Variants in HOMER1 observed in about 807,000 individuals in gnomAD.
The protein encoded by HOMER1 is homer protein homolog 1.
A neutral mutation model predicts 48.9 loss-of-function variants in HOMER1; 3 were observed. The ratio of observed to expected loss-of-function variants is 0.06; its 90% CI spans 0.03 to 0.16. The LOEUF (loss-of-function observed/expected upper bound fraction) is 0.16, where lower values mean the gene tolerates loss of function less well. Among genes scored for constraint, HOMER1 ranks in the 10% least tolerant of loss-of-function variants. The pLI is 1.00. For synonymous variants in HOMER1, 134 were observed against 146.4 expected (o/e 0.92, Z 0.61); for missense variants, 247 against 411.4 (o/e 0.60, Z 3.46).
intron 1 of HOMER1, among the ~76,000 whole-genome samples, chr5:79,472,693 C>T (rs181508901): frequency 6.6e-6 from 1 of 151,892 alleles, no homozygotes; most frequent in African/African-American, 2.4e-5. Context: ...GCAGGAGGAT[C>T]GCTTGAGCCC....
intron 5 of HOMER1, among the ~76,000 whole-genome samples, chr5:79,422,631 A>C (rs1006729683): frequency 3.3e-5 from 5 of 151,938 alleles, no homozygotes; most frequent in East Asian, 3.8e-4. Flanking sequence ...AGAAAAAAAC[A>C]GTAGAGATAA....
intron 3 of HOMER1, among the ~76,000 whole-genome samples, chr5:79,448,764 A>C (rs1750953184): frequency 6.6e-6 from 1 of 152,160 alleles, no homozygotes; most frequent in Non-Finnish European, 1.5e-5. Context: ...GGTAGCCTGA[A>C]AAATAAATTA....
At chr5:79,418,070 A>T (rs1306463239) in intron 5 of HOMER1, among the ~76,000 whole-genome samples, 1 of 152,218 alleles carries the variant, frequency 6.6e-6, no homozygotes, top group Non-Finnish European at 1.5e-5. Flanking sequence ...GCCAGAATCA[A>T]AGGATATAAC....
intron 5 of HOMER1, among the ~76,000 whole-genome samples, chr5:79,402,777 G>A (rs1228702019): frequency 1.3e-5 from 2 of 152,114 alleles, no homozygotes; most frequent in Non-Finnish European, 2.9e-5. Flanking sequence ...GAAAACATAT[G>A]AGGATGCTTA....
chr5:79,501,331 A>G (rs1409004863), intron 1 of HOMER1, among the ~76,000 whole-genome samples: 1 of 152,184 alleles, frequency 6.6e-6, no homozygotes, highest in East Asian at 1.9e-4. Context: ...ACAGCATATA[A>G]AACATATAAC....
intron 1 of HOMER1, among the ~76,000 whole-genome samples, chr5:79,459,979 T>C (rs75117986): frequency 7.9e-5 from 12 of 152,122 alleles, no homozygotes; most frequent in South Asian, 2.1e-4. Context: ...CTGAAAGCTA[T>C]TGAGAGATTA....
chr5:79,451,810 C>T (rs188481633), intron 2 of HOMER1, among the ~76,000 whole-genome samples: 177 of 152,100 alleles, frequency 1.2e-3, no homozygotes, highest in African/African-American at 4.1e-3. Flanking sequence ...ATCTGCCCGC[C>T]TCGGCCTCCC....
At chr5:79,501,795 T>A (rs1201713109) in intron 1 of HOMER1, among the ~76,000 whole-genome samples, 3 of 152,120 alleles carry the variant, frequency 2.0e-5, no homozygotes, top group Non-Finnish European at 4.4e-5. Flanking sequence ...TAGTCACAAT[T>A]TCCCTTTGGG....
chr5:79,415,066 T>G (rs1749908307), intron 5 of HOMER1, among the ~76,000 whole-genome samples: 1 of 152,064 alleles, frequency 6.6e-6, no homozygotes, highest in Non-Finnish European at 1.5e-5. Context: ...TGGTTTTTGG[T>G]TTTTTGAGAC....
In HOMER1 at chr5:79,373,448, T is replaced by C. The variant is rs1748684845; in HGVS notation, c.*2561A>G. ...CCCCAACATTATTTTCTGAGAAATA[T>C]ATTACCACAGTTTGATTTAAATATA... On this transcript the variant is annotated 3_prime_UTR_variant, in exon 9 of 9. Transcript: ENST00000334082. 1 of 151,970 alleles carries C rather than the reference T, an allele frequency of 6.6e-6. No homozygotes were observed. The highest frequency in any genetic ancestry group is 1.5e-5 in the Non-Finnish European group (1 of 67,932). 9.4% of individuals were successfully genotyped at this position (151,970 alleles called of 1,614,324 possible). A position where few individuals can be genotyped will look rare whatever the true frequency, so the allele number is the denominator to read the frequency against.
intron 1 of HOMER1, among the ~76,000 whole-genome samples, chr5:79,473,693 CAAGT>C (rs1000982938): frequency 6.6e-5 from 10 of 152,084 alleles, no homozygotes; most frequent in African/African-American, 2.4e-4. Context: ...TTGAGAAGAA[CAAGT>C]TAGTCTTATT....
chr5:79,376,965 G>T (rs1291399624), intron 8 of HOMER1, among the ~76,000 whole-genome samples: 8 of 151,882 alleles, frequency 5.3e-5, no homozygotes, highest in African/African-American at 1.5e-4. Context: ...TTGTTTTTTT[G>T]TTGTTGTTTC....
chr5:79,473,039 C>T (rs1174524483), intron 1 of HOMER1, among the ~76,000 whole-genome samples: 1 of 152,132 alleles, frequency 6.6e-6, no homozygotes, highest in African/African-American at 2.4e-5. Context: ...AGCAAGCTTG[C>T]CCTGAGGGAT....
At chr5:79,472,935 G>A (rs563938691) in intron 1 of HOMER1, among the ~76,000 whole-genome samples, 9 of 152,256 alleles carry the variant, frequency 5.9e-5, no homozygotes, top group Non-Finnish European at 1.3e-4. Flanking sequence ...CATCAACTAT[G>A]TCTGTTCAGA....
At chr5:79,444,865 G>A (rs1395816666) in intron 4 of HOMER1, among the ~76,000 whole-genome samples, 4 of 152,056 alleles carry the variant, frequency 2.6e-5, no homozygotes, top group African/African-American at 4.8e-5. Flanking sequence ...CTACACCTTC[G>A]CAGCACTTAG....
Position 79,497,021 on chromosome 5 carries a change from C to CT in HOMER1, c.5+15748dup, listed in dbSNP as rs562069028. Among the ~76,000 whole-genome samples the CT allele has an allele frequency of 9.6e-5, 13 of 135,000 alleles. No homozygotes were observed. In the South Asian group the frequency reaches 2.5e-3, roughly 26 times the overall value. The allele number at this position is 135,000 out of a possible 152,430, so 88.6% of individuals were successfully genotyped here. ...GCTTCAGTGAGCTGAGATCATACCA[C>CT]TGCACTCTAGCCTGGGTAACAGAGT... On this transcript the variant is annotated intron_variant, in intron 1 of 8. Transcript: ENST00000334082.
At position 79,441,635 on chromosome 5, in the gene HOMER1, AT is replaced by A. The variant is rs543922245; in HGVS notation, c.388-2487del. ...AAGCCCACCCAAAGCATGGTATTTTATTTTTTTAATTTAATTTTTTATTCTG... is the reference window on the plus strand; with the variant it reads ...AAGCCCACCCAAAGCATGGTATTTTATTTTTTAATTTAATTTTTTATTCTG... On this transcript the variant is annotated intron_variant, in intron 4 of 8. Transcript: ENST00000334082. Among the ~76,000 whole-genome samples, 518 of 152,196 alleles carry A rather than the reference AT, an allele frequency of 3.4e-3. 2 individuals are homozygous for A. The highest frequency in any genetic ancestry group is 0.012 in the African/African-American group (500 of 41,518).
At position 79,374,633 on chromosome 5, in the gene HOMER1, C is replaced by T. The variant is rs1748713288; in HGVS notation, c.*1376G>A. On this transcript the variant is annotated 3_prime_UTR_variant, in exon 9 of 9. Coordinates refer to ENST00000334082, the MANE Select transcript of HOMER1 (RefSeq NM_004272.5). ...TAAAAAAGAACCCTCCTCAACATCACAGGCATTGTACAGCAAGAATATATG... is the reference window on the plus strand; with the variant it reads ...TAAAAAAGAACCCTCCTCAACATCATAGGCATTGTACAGCAAGAATATATG... The T allele has an allele frequency of 6.6e-6, 1 of 151,980 alleles. No individual in the cohort carries two copies. The highest frequency in any genetic ancestry group is 2.4e-5 in the African/African-American group (1 of 41,424). 9.4% of individuals were successfully genotyped at this position (151,980 alleles called of 1,614,324 possible). A position where few individuals can be genotyped will look rare whatever the true frequency, so the allele number is the denominator to read the frequency against.
chr5:79,421,549 C>T (rs775534675), intron 5 of HOMER1, among the ~76,000 whole-genome samples: 2 of 151,924 alleles, frequency 1.3e-5, no homozygotes, highest in Non-Finnish European at 2.9e-5. Context: ...ATATAAACTA[C>T]CAGTTACATA....
Sources: gnomAD v4.1 joint callset for allele counts (sites outside exome capture counted in the v4.1 genomes callset) on GRCh38, gnomAD v4.1.1 for gene constraint, MANE v1.5 for transcripts, NCBI Gene and HGNC (gene_info 2026-07-23, HGNC 2026-07-21) for gene names.